Variants in RAB31 observed in about 807,000 individuals in gnomAD.
RAB31 encodes the protein RAB31, member RAS oncogene family, also known as ras-related protein Rab-31.
Under a neutral mutation model 25.6 loss-of-function variants are expected in RAB31, and 21 were observed. The ratio of observed to expected loss-of-function variants is 0.82; its 90% confidence interval spans 0.58 to 1.18. The LOEUF (loss-of-function observed/expected upper bound fraction) is 1.18. Ranked by LOEUF, RAB31 falls within the 50% of genes most tolerant of loss-of-function variation. The probability of loss-of-function intolerance (pLI) is 0.00; values close to 1 mark genes in which losing one functional copy is unlikely to be tolerated. For missense variants in RAB31, 196 were observed against 250.1 expected, an observed-to-expected ratio of 0.78 and a Z score of 1.46; for synonymous variants, 87 against 84.0, an observed-to-expected ratio of 1.04 and a Z score of -0.20.
In RAB31 at chr18:9,766,569, A is replaced by C. The variant is rs78284000; in HGVS notation, c.40-8709A>C. On this transcript the variant is annotated intron_variant, in intron 1 of 6. Coordinates refer to ENST00000578921, the MANE Select transcript of RAB31 (RefSeq NM_006868.4). This position sits in a 1 kb window ranked among gnomAD's most constrained non-coding sequence, Gnocchi z 4.3. ...TTCTGCCTGTTTCTCTCTTTATGTT[A>C]TTTCTTTATGCCCACAAGGTCTGCT... 6.7e-3 allele frequency among the ~76,000 whole-genome samples: 1,027 copies of C among 152,156 alleles called. 13 individuals carry two copies. Among genetic ancestry groups the C allele is most frequent in the African/African-American group, 0.024 (977 of 41,516 alleles).
intron 1 of RAB31, among the ~76,000 whole-genome samples, chr18:9,740,078 C>G (rs76506060): frequency 0.013 from 1,946 of 152,320 alleles, 42 homozygotes; most frequent in African/African-American, 0.044. Context: ...TTAGACCAGC[C>G]TAATGGATGA....
intron 1 of RAB31, among the ~76,000 whole-genome samples, chr18:9,764,872 A>G (rs2068307344): frequency 6.6e-6 from 1 of 152,176 alleles, no homozygotes; most frequent in Non-Finnish European, 1.5e-5. Context: ...TCTGTAAGGA[A>G]TATTTTCCCT....
chr18:9,811,254 C>T (rs567501040), intron 3 of RAB31, among the ~76,000 whole-genome samples: 5 of 152,274 alleles, frequency 3.3e-5, no homozygotes, highest in East Asian at 3.9e-4. Flanking sequence ...TTCTGAAACC[C>T]GCAGAGGCTC....
At chr18:9,786,483 C>T (rs1317738085) in intron 2 of RAB31, among the ~76,000 whole-genome samples, 1 of 152,236 alleles carries the variant, frequency 6.6e-6, no homozygotes, top group Non-Finnish European at 1.5e-5. Context: ...ATCAGAAGTT[C>T]TAGAGGCCCG....
chr18:9,853,963 CT>C lies in RAB31; in HGVS notation c.491-5250del, dbSNP rs11376519. Among the ~76,000 whole-genome samples, 1,201 of 130,804 alleles carry C rather than the reference CT, an allele frequency of 9.2e-3. 6 individuals are homozygous for C. Among genetic ancestry groups the C allele is most frequent in the African/African-American group, 0.028 (973 of 35,376 alleles). 85.8% of individuals were successfully genotyped at this position (130,804 alleles called of 152,430 possible). Reference sequence around the variant, plus strand: ...TTCTTTTTTTCTTTTCTTTTCTTTTCTTTTTTTTTTTTTTTAACTTTAAATT... The same window carrying C: ...TTCTTTTTTTCTTTTCTTTTCTTTTCTTTTTTTTTTTTTTAACTTTAAATT... On this transcript the variant is annotated intron_variant, in intron 6 of 6. Coordinates refer to ENST00000578921, the MANE Select transcript of RAB31 (RefSeq NM_006868.4).
chr18:9,756,147 G>A (rs1281169617), intron 1 of RAB31, among the ~76,000 whole-genome samples: 2 of 152,154 alleles, frequency 1.3e-5, no homozygotes, highest in East Asian at 3.8e-4. Flanking sequence ...CAGTAGATAG[G>A]GAGTTAGGGT....
At chr18:9,780,276 CTG>C (rs1225685953) in intron 2 of RAB31, among the ~76,000 whole-genome samples, 2 of 149,648 alleles carry the variant, frequency 1.3e-5, no homozygotes, top group African/African-American at 4.9e-5. Flanking sequence ...TTTTTTTACT[CTG>C]TGTTTTCTAC....
At chr18:9,829,649 A>G (rs911492555) in intron 5 of RAB31, among the ~76,000 whole-genome samples, 2 of 152,216 alleles carry the variant, frequency 1.3e-5, no homozygotes, top group East Asian at 1.9e-4. Flanking sequence ...GAATATGCCA[A>G]TCGTGTGTGA....
At chr18:9,724,038 G>C (rs570508007) in intron 1 of RAB31, among the ~76,000 whole-genome samples, 1 of 151,872 alleles carries the variant, frequency 6.6e-6, no homozygotes. Context: ...TTGGGAGGCC[G>C]AGGCGGGCAG....
chr18:9,794,957 A>C (rs2068479626), intron 3 of RAB31, among the ~76,000 whole-genome samples: 1 of 152,216 alleles, frequency 6.6e-6, no homozygotes, highest in South Asian at 2.1e-4. Flanking sequence ...AAAAAGAACA[A>C]ATCTGGAGGC....
Position 9,717,323 on chromosome 18 carries a change from T to C in RAB31, c.39+8879T>C, listed in dbSNP as rs568044624. Among the ~76,000 whole-genome samples the C allele has an allele frequency of 2.6e-5, 4 of 152,176 alleles. No individual in the cohort carries two copies. The South Asian group carries it at 6.2e-4, about 24-fold the overall frequency. Reference sequence around the variant, plus strand: ...ACCTGCTTGAATTCTCTAGAAGTCATGAATGTGGCTTCTGTTTGCACCATA... The same window carrying C: ...ACCTGCTTGAATTCTCTAGAAGTCACGAATGTGGCTTCTGTTTGCACCATA... On this transcript the variant is annotated intron_variant, in intron 1 of 6. Transcript: ENST00000578921.
chr18:9,839,517 G>C (rs2143123519), intron 5 of RAB31, among the ~76,000 whole-genome samples: 1 of 152,316 alleles, frequency 6.6e-6, no homozygotes, highest in South Asian at 2.1e-4. Flanking sequence ...AGCGAAGAGG[G>C]GGTGACTGCA....
rs147073915 is a variant in RAB31 at position 9,859,000 on chromosome 18, C to A, written c.491-228C>A. On this transcript the variant is annotated intron_variant, in intron 6 of 6. Coordinates refer to ENST00000578921, the MANE Select transcript of RAB31 (RefSeq NM_006868.4). The stretch of plus-strand genomic sequence containing the variant: ...AGGAAACTGCTGGACTGTTCCTTAC[C>A]TGAACTTCCTAAGCCCATGAATTGG... Among the ~76,000 whole-genome samples, 3 of 152,086 alleles carry A rather than the reference C, an allele frequency of 2.0e-5. No homozygotes were observed. In the East Asian group the frequency reaches 5.8e-4, roughly 29 times the overall value.
chr18:9,709,134 C>T (rs187560073), intron 1 of RAB31, among the ~76,000 whole-genome samples: 108 of 152,282 alleles, frequency 7.1e-4, no homozygotes, highest in African/African-American at 2.2e-3. Context: ...CATCACTCCC[C>T]TAAAGTGGGG....
intron 1 of RAB31, among the ~76,000 whole-genome samples, chr18:9,747,449 G>A (rs2068211355): frequency 1.3e-5 from 2 of 152,192 alleles, no homozygotes; most frequent in Non-Finnish European, 2.9e-5. Flanking sequence ...TAGCCAAAAG[G>A]TGGAAGCAAC....
chr18:9,723,108 TG>T (rs1395970775), intron 1 of RAB31, among the ~76,000 whole-genome samples: 1 of 152,082 alleles, frequency 6.6e-6, no homozygotes, highest in Non-Finnish European at 1.5e-5. Context: ...AGTGCAGTGG[TG>T]TGGTCTTGGC....
intron 5 of RAB31, among the ~76,000 whole-genome samples, chr18:9,818,013 G>A (rs1262790331): frequency 6.6e-6 from 1 of 152,118 alleles, no homozygotes; most frequent in Non-Finnish European, 1.5e-5. Flanking sequence ...CAGTGAGGTC[G>A]GAATGTGGCT....
intron 1 of RAB31, among the ~76,000 whole-genome samples, chr18:9,767,616 A>C (rs1388672097): frequency 6.6e-6 from 1 of 152,186 alleles, no homozygotes; most frequent in African/African-American, 2.4e-5. Context: ...ACGTTCAATA[A>C]GATAATGTGT....
chr18:9,807,603 T>A (rs995085701), intron 3 of RAB31, among the ~76,000 whole-genome samples: 19 of 152,362 alleles, frequency 1.2e-4, no homozygotes, highest in African/African-American at 4.6e-4. Flanking sequence ...TTCTACAGCA[T>A]CTTAAATCAT....
Sources: allele counts gnomAD v4.1 joint callset (sites outside exome capture counted in the v4.1 genomes callset), GRCh38; gene constraint gnomAD v4.1.1; non-coding constraint Gnocchi (gnomAD v3.1); transcripts MANE v1.5; gene names NCBI Gene and HGNC (gene_info 2026-07-23, HGNC 2026-07-21).